The following GSG1L variants were observed in gnomAD, a reference collection of about 807,000 sequenced individuals.
The protein encoded by GSG1L is germ cell-specific gene 1-like protein.
In GSG1L, 24 loss-of-function variants were observed where a neutral mutation model predicts 42.1. The ratio of observed to expected loss-of-function variants is 0.57; its 90% CI spans 0.41 to 0.80. The LOEUF (loss-of-function observed/expected upper bound fraction) is 0.80. GSG1L is among the 30% of genes least tolerant of loss of function. The probability of loss-of-function intolerance (pLI) is 0.00; values close to 1 mark genes in which losing one functional copy is unlikely to be tolerated. For synonymous variants in GSG1L, 215 were observed against 203.5 expected (o/e 1.06, Z -0.48); for missense variants, 445 against 472.2 (o/e 0.94, Z 0.53).
At chr16:27,815,514 G>C (rs143969218) in intron 5 of GSG1L, among the ~76,000 whole-genome samples, 3 of 152,278 alleles carry the variant, frequency 2.0e-5, no homozygotes, top group South Asian at 2.1e-4. Context: ...ATGTGAAACA[G>C]ACTAACACAC....
intron 2 of GSG1L, among the ~76,000 whole-genome samples, chr16:27,950,589 TGA>T (rs1290213176): frequency 6.6e-6 from 1 of 151,926 alleles, no homozygotes; most frequent in Non-Finnish European, 1.5e-5. Flanking sequence ...GAGGGATGGC[TGA>T]GAAGGAAGGG....
chr16:27,842,657 T>A (rs1044830994), intron 4 of GSG1L, among the ~76,000 whole-genome samples: 5 of 152,128 alleles, frequency 3.3e-5, no homozygotes, highest in Admixed American at 3.3e-4. Flanking sequence ...CTGGGATTGT[T>A]CTACTTAAAG....
intron 1 of GSG1L, among the ~76,000 whole-genome samples, chr16:27,982,554 G>T (rs568946643): frequency 6.6e-6 from 1 of 152,298 alleles, no homozygotes; most frequent in South Asian, 2.1e-4. Flanking sequence ...TTTGGAAGTT[G>T]CATAGTCCCC....
At chr16:27,992,880 C>T (rs1302936234) in intron 1 of GSG1L, among the ~76,000 whole-genome samples, 2 of 152,188 alleles carry the variant, frequency 1.3e-5, no homozygotes, top group South Asian at 2.1e-4. Flanking sequence ...TTAGGACCCA[C>T]ATCCTCCACC....
At chr16:28,057,725 C>A (rs560548947) in intron 1 of GSG1L, among the ~76,000 whole-genome samples, 1 of 152,238 alleles carries the variant, frequency 6.6e-6, no homozygotes, top group South Asian at 2.1e-4. Context: ...GCTGGGACCA[C>A]GTTATCTGGA....
At chr16:27,967,521 A>G (rs1276282744) in intron 1 of GSG1L, among the ~76,000 whole-genome samples, 1 of 152,246 alleles carries the variant, frequency 6.6e-6, no homozygotes, top group Non-Finnish European at 1.5e-5. Flanking sequence ...GATAAGGCCC[A>G]GGGCAGCTGA....
chr16:27,891,621 C>T (rs952171916), intron 2 of GSG1L, among the ~76,000 whole-genome samples: 2 of 152,024 alleles, frequency 1.3e-5, no homozygotes, highest in Non-Finnish European at 2.9e-5. Flanking sequence ...TACAGGCACT[C>T]ACCACCACAA....
chr16:27,964,785 G>A (rs2085110908), intron 1 of GSG1L, among the ~76,000 whole-genome samples: 1 of 152,182 alleles, frequency 6.6e-6, no homozygotes, highest in Non-Finnish European at 1.5e-5. Context: ...AAGGGTAGTA[G>A]GGGATTGGGC....
chr16:27,922,673 T>C (rs1196002584), intron 2 of GSG1L, among the ~76,000 whole-genome samples: 1 of 152,214 alleles, frequency 6.6e-6, no homozygotes, highest in Non-Finnish European at 1.5e-5. Flanking sequence ...TAGAATCCAG[T>C]GATGGATGAC....
intron 2 of GSG1L, among the ~76,000 whole-genome samples, chr16:27,898,500 G>A (rs1323704611): frequency 1.3e-5 from 2 of 151,884 alleles, no homozygotes; most frequent in Admixed American, 6.6e-5. Flanking sequence ...AGGTTTTTGA[G>A]ATTTTTTGTT....
intron 1 of GSG1L, among the ~76,000 whole-genome samples, chr16:28,020,094 G>A (rs1029510416): frequency 6.6e-5 from 10 of 152,164 alleles, no homozygotes; most frequent in Admixed American, 3.9e-4. Context: ...GCCTTCGTTC[G>A]CGCAGAGACA....
At chr16:28,014,020 C>T (rs370972759) in intron 1 of GSG1L, among the ~76,000 whole-genome samples, 1 of 152,226 alleles carries the variant, frequency 6.6e-6, no homozygotes, top group African/African-American at 2.4e-5. Context: ...GCCCCACCAA[C>T]CAGGACTACG....
intron 2 of GSG1L, among the ~76,000 whole-genome samples, chr16:27,892,509 A>C (rs1337644523): frequency 2.6e-5 from 4 of 152,116 alleles, no homozygotes; most frequent in African/African-American, 4.8e-5. Flanking sequence ...CACGCCTGTA[A>C]TCCCAGCACT....
Position 28,063,180 on chromosome 16 carries a change from G to A in GSG1L, c.245C>T (p.Pro82Leu). The A allele has an allele frequency of 7.5e-7, 1 of 1,330,586 alleles. No individual in the cohort carries two copies. The highest frequency in any genetic ancestry group is 9.6e-7 in the Non-Finnish European group (1 of 1,037,010). The allele number at this position is 1,330,586 out of a possible 1,614,324, so 82.4% of individuals were successfully genotyped here. A position where few individuals can be genotyped will look rare whatever the true frequency, so the allele number is the denominator to read the frequency against. Residue 82 changes from proline (P) to leucine (L), a missense_variant, in exon 1 of 7, where the codon CCT (proline) becomes CTT (leucine). By Grantham distance (98) the Pro-to-Leu change is moderately conservative. Transcript: ENST00000447459. The surrounding 1 kb of genome is among the most constrained non-coding windows in gnomAD (Gnocchi z 5.8). Reference protein sequence around the residue: ...AAATASGNGPPGGALYSWETG... With the variant: ...AAATASGNGPLGGALYSWETG... Reference sequence around the variant, plus strand: ...CTCCCAGCTGTAGAGCGCGCCGCCAGGGGGGCCGTTCCCCGAGGCGGTGGC... The same window carrying A: ...CTCCCAGCTGTAGAGCGCGCCGCCAAGGGGGCCGTTCCCCGAGGCGGTGGC...
intron 1 of GSG1L, among the ~76,000 whole-genome samples, chr16:27,990,396 G>A (rs56899632): frequency 7.9e-5 from 12 of 152,134 alleles, no homozygotes; most frequent in East Asian, 1.9e-4. Context: ...CTAAGAATAC[G>A]TTTTCTTTTG....
chr16:27,913,197 C>T (rs922939253), intron 2 of GSG1L, among the ~76,000 whole-genome samples: 11 of 152,174 alleles, frequency 7.2e-5, no homozygotes, highest in African/African-American at 1.7e-4. Flanking sequence ...AACATGATAA[C>T]ACATGTACCA....
intron 2 of GSG1L, among the ~76,000 whole-genome samples, chr16:27,956,345 A>T (rs529441417): frequency 6.6e-6 from 1 of 152,328 alleles, no homozygotes; most frequent in East Asian, 1.9e-4. Flanking sequence ...CCTGACAATG[A>T]CCAGAGGAGA....
chr16:28,034,551 CTTT>C (rs963394213), intron 1 of GSG1L, among the ~76,000 whole-genome samples: 5 of 152,142 alleles, frequency 3.3e-5, no homozygotes, highest in African/African-American at 1.2e-4. Context: ...TCTGTCTCCT[CTTT>C]TTTTCCCTTT....
chr16:27,821,718 G>A (rs1256046995), intron 5 of GSG1L, among the ~76,000 whole-genome samples: 1 of 151,884 alleles, frequency 6.6e-6, no homozygotes, highest in East Asian at 1.9e-4. Flanking sequence ...GGGTAACACG[G>A]TGAAACCCCG....
Sources: gnomAD v4.1 joint callset for allele counts (sites outside exome capture counted in the v4.1 genomes callset) on GRCh38, gnomAD v4.1.1 for gene constraint, Gnocchi (gnomAD v3.1) non-coding constraint, MANE v1.5 for transcripts, NCBI Gene and HGNC (gene_info 2026-07-23, HGNC 2026-07-21) for gene names.